WWOX: variants seen among roughly 807,000 people sequenced by gnomAD.
WWOX encodes the protein WW domain containing oxidoreductase.
In WWOX, 69 loss-of-function variants were observed where a neutral mutation model predicts 46.2. The observed-to-expected ratio is 1.49, with a 90% CI of 1.23 to 1.82. WWOX has a LOEUF of 1.82. Among genes scored for constraint, WWOX ranks in the 40% most tolerant of loss-of-function variants. WWOX has a pLI of 0.00. For missense variants in WWOX, 919 were observed against 542.6 expected, an observed-to-expected ratio of 1.69 and a Z score of -6.89; for synonymous variants, 359 against 202.6, an observed-to-expected ratio of 1.77 and a Z score of -6.56.
At chr16:78,824,317 G>A (rs1204004368) in intron 8 of WWOX, among the ~76,000 whole-genome samples, 1 of 152,120 alleles carries the variant, frequency 6.6e-6, no homozygotes, top group Non-Finnish European at 1.5e-5. Context: ...TGACTCAAAT[G>A]TGTGATTGGT....
chr16:78,168,945 C>A (rs188890418), intron 5 of WWOX, among the ~76,000 whole-genome samples: 180 of 152,166 alleles, frequency 1.2e-3, no homozygotes, highest in African/African-American at 4.2e-3. Context: ...AAAATGAAAA[C>A]AATTAAAACA....
At chr16:79,123,418 G>A (rs180884787) in intron 8 of WWOX, among the ~76,000 whole-genome samples, 1 of 152,290 alleles carries the variant, frequency 6.6e-6, no homozygotes, top group Admixed American at 6.5e-5. Flanking sequence ...TGGAAATGAG[G>A]GCAGCTGGGG....
chr16:78,210,987 A>G (rs2036542176), intron 5 of WWOX, among the ~76,000 whole-genome samples: 1 of 152,158 alleles, frequency 6.6e-6, no homozygotes, highest in Non-Finnish European at 1.5e-5. Flanking sequence ...TATGAAACAA[A>G]TTTTCTTTAT....
intron 8 of WWOX, among the ~76,000 whole-genome samples, chr16:78,959,115 T>C (rs538601415): frequency 1.3e-5 from 2 of 152,338 alleles, no homozygotes; most frequent in East Asian, 1.9e-4. Flanking sequence ...CCAATTAGAA[T>C]GTTTATCCGA....
At chr16:79,014,423 A>T (rs62040096) in intron 8 of WWOX, among the ~76,000 whole-genome samples, 10 of 152,140 alleles carry the variant, frequency 6.6e-5, no homozygotes, top group African/African-American at 2.4e-4. Flanking sequence ...CAAGCTGTCT[A>T]TGTTTTCCTG....
intron 4 of WWOX, among the ~76,000 whole-genome samples, chr16:78,132,633 G>A (rs919698954): frequency 7.2e-5 from 11 of 152,208 alleles, no homozygotes; most frequent in African/African-American, 2.7e-4. Context: ...CTAAAAATGA[G>A]TAGCTAGTCT....
At chr16:78,607,787 C>T (rs2045797847) in intron 8 of WWOX, among the ~76,000 whole-genome samples, 1 of 151,718 alleles carries the variant, frequency 6.6e-6, no homozygotes, top group South Asian at 2.1e-4. Context: ...TCATATTTGT[C>T]ATTTCTCTTT....
At chr16:78,822,562 G>A (rs887935747) in intron 8 of WWOX, among the ~76,000 whole-genome samples, 4 of 152,010 alleles carry the variant, frequency 2.6e-5, no homozygotes, top group Non-Finnish European at 4.4e-5. Context: ...TCCCCACCTA[G>A]AATTCTAAAT....
At chr16:79,201,729 G>T (rs957814342) in intron 8 of WWOX, among the ~76,000 whole-genome samples, 1 of 151,096 alleles carries the variant, frequency 6.6e-6, no homozygotes, top group African/African-American at 2.4e-5. Flanking sequence ...CTTTTTTCCT[G>T]TTTTTTTTCA....
In WWOX at chr16:78,319,163, A is replaced by G. The variant is rs538745777; in HGVS notation, c.517-67697A>G. Among the ~76,000 whole-genome samples, 4 of 152,246 alleles carry G rather than the reference A, an allele frequency of 2.6e-5. No homozygotes were observed. In the South Asian group the frequency reaches 8.3e-4, roughly 32 times the overall value. ...CACCGCCACACATTGCTGGCTTTGA[A>G]AATGGAGGGAGGCGGGCATGAGCCA... On this transcript the variant is annotated intron_variant, in intron 5 of 8. Transcript: ENST00000566780.
intron 8 of WWOX, among the ~76,000 whole-genome samples, chr16:78,835,345 T>C (rs556041286): frequency 1.4e-3 from 220 of 152,340 alleles, no homozygotes; most frequent in Middle Eastern, 0.014. Context: ...TAGTAGTAAA[T>C]AGAGGCTTTA....
At chr16:78,147,804 C>T (rs866692779) in intron 4 of WWOX, among the ~76,000 whole-genome samples, 7 of 141,852 alleles carry the variant, frequency 4.9e-5, no homozygotes, top group South Asian at 2.2e-4. Flanking sequence ...GAATGAAGGT[C>T]TTTTTTTTTT....
chr16:78,974,817 A>G (rs768691676), intron 8 of WWOX, among the ~76,000 whole-genome samples: 11 of 152,050 alleles, frequency 7.2e-5, no homozygotes, highest in Admixed American at 2.6e-4. Context: ...GAGACCCACA[A>G]CCTAAGCCGG....
intron 8 of WWOX, among the ~76,000 whole-genome samples, chr16:78,793,160 T>C (rs7198122): frequency 0.28 from 42,067 of 152,084 alleles, 6,262 homozygotes; most frequent in African/African-American, 0.37. Context: ...GCAACTGCTG[T>C]CTCATGGGAT....
intron 8 of WWOX, among the ~76,000 whole-genome samples, chr16:78,697,638 T>A (rs1381890774): frequency 6.6e-6 from 1 of 152,094 alleles, no homozygotes; most frequent in Non-Finnish European, 1.5e-5. Flanking sequence ...ATGACCACCA[T>A]ACGTGAAAAA....
intron 8 of WWOX, among the ~76,000 whole-genome samples, chr16:78,856,887 A>G (rs1250038802): frequency 6.6e-6 from 1 of 152,232 alleles, no homozygotes; most frequent in African/African-American, 2.4e-5. Flanking sequence ...GTATACCTAT[A>G]CAATCCTAGA....
intron 3 of WWOX, among the ~76,000 whole-genome samples, chr16:78,111,198 G>T (rs142157244): frequency 6.6e-6 from 1 of 152,074 alleles, no homozygotes; most frequent in African/African-American, 2.4e-5. Flanking sequence ...TTATGTGGGC[G>T]AAAGAGTACC....
rs749992495 is a variant in WWOX at position 78,887,077 on chromosome 16, G to GGTGTGTGTGTGTGT, written c.1057-324486_1057-324473dup. Reference sequence around the variant, plus strand: ...AGTCTGGCTATATGTGTGTGTGTGTGGTGTGTGTGTGTGTGTGTGTGTGTG... The same window carrying GGTGTGTGTGTGTGT: ...AGTCTGGCTATATGTGTGTGTGTGTGGTGTGTGTGTGTGTGTGTGTGTGTGTGTGTGTGTGTGTG... On this transcript the variant is annotated intron_variant, in intron 8 of 8. Transcript: ENST00000566780. 1.5e-4 allele frequency among the ~76,000 whole-genome samples: 9 copies of GGTGTGTGTGTGTGT among 61,378 alleles called. 1 individual carries two copies. Among genetic ancestry groups the GGTGTGTGTGTGTGT allele is most frequent in the South Asian group, 1.5e-3 (2 of 1,310 alleles). 40.3% of individuals were successfully genotyped at this position (61,378 alleles called of 152,430 possible).
intron 8 of WWOX, among the ~76,000 whole-genome samples, chr16:79,010,300 T>C (rs867538124): frequency 1.1e-4 from 16 of 151,748 alleles, no homozygotes; most frequent in Middle Eastern, 6.8e-3. Context: ...CATTAGAGAG[T>C]GGCGTGTGCT....
Sources: allele counts gnomAD v4.1 joint callset (sites outside exome capture counted in the v4.1 genomes callset), GRCh38; gene constraint gnomAD v4.1.1; transcripts MANE v1.5; gene names NCBI Gene and HGNC (gene_info 2026-07-23, HGNC 2026-07-21).